Variants in CYP19A1 observed in about 807,000 individuals in gnomAD.
CYP19A1 encodes the protein aromatase.
CYP19A1 carries 32 observed loss-of-function variants against 44.4 expected under a neutral mutation model. That is an observed-to-expected ratio of 0.72 (90% CI 0.54 to 0.97). The LOEUF (loss-of-function observed/expected upper bound fraction) is 0.97. CYP19A1 is among the 50% of genes least tolerant of loss of function. The probability of loss-of-function intolerance (pLI) is 0.00; values close to 1 mark genes in which losing one functional copy is unlikely to be tolerated. For missense variants in CYP19A1, 598 were observed against 637.8 expected (o/e 0.94, Z 0.67); for synonymous variants, 212 against 215.6 (o/e 0.98, Z 0.14).
In CYP19A1 at chr15:51,210,557, G is replaced by A. The variant is rs2141028397; in HGVS notation, c.*251C>T. 2 of 638,418 alleles carry A rather than the reference G, an allele frequency of 3.1e-6. No homozygotes were observed. Among genetic ancestry groups the A allele is most frequent in the Non-Finnish European group, 5.8e-6 (2 of 342,464 alleles). 39.5% of individuals were successfully genotyped at this position (638,418 alleles called of 1,614,324 possible). A position where few individuals can be genotyped will look rare whatever the true frequency, so the allele number is the denominator to read the frequency against. ...GTGGAATCGGGTCTTTATGGATACG[G>A]TTTCTTCACCGACTATTTCTCCCTC... On this transcript the variant is annotated 3_prime_UTR_variant, in exon 10 of 10. Coordinates refer to ENST00000396402, the MANE Select transcript of CYP19A1 (RefSeq NM_000103.4).
rs2031608928 is a variant in CYP19A1 at position 51,216,638 on chromosome 15, A to G, written c.744-821T>C. Among the ~76,000 whole-genome samples the G allele has an allele frequency of 2.6e-5, 4 of 152,226 alleles. No homozygotes were observed. The South Asian group carries it at 8.3e-4, about 32-fold the overall frequency. ...AAACAGTAAACTCCAGTGACTAGGT[A>G]TCATTCTTGATATTTATTCTCATGC... On this transcript the variant is annotated intron_variant, in intron 6 of 9. Coordinates refer to ENST00000396402, the MANE Select transcript of CYP19A1 (RefSeq NM_000103.4).
chr15:51,233,132 G>T (rs960772156), intron 3 of CYP19A1, among the ~76,000 whole-genome samples: 1 of 152,138 alleles, frequency 6.6e-6, no homozygotes, highest in South Asian at 2.1e-4. Flanking sequence ...CTCAGTGAGG[G>T]CTGCCTGAAC....
intron 1 of CYP19A1, among the ~76,000 whole-genome samples, chr15:51,297,988 G>C (rs2036035665): frequency 1.3e-5 from 2 of 152,110 alleles, no homozygotes; most frequent in Admixed American, 6.5e-5. Context: ...ATGTAGGAAG[G>C]CTTCACAGAG....
At chr15:51,234,545 T>C (rs1195014920) in intron 3 of CYP19A1, among the ~76,000 whole-genome samples, 3 of 152,184 alleles carry the variant, frequency 2.0e-5, no homozygotes, top group Non-Finnish European at 2.9e-5. Context: ...TCGAAATATC[T>C]AGTATCTCAG....
At chr15:51,211,590 GT>G (rs1227755083) in intron 9 of CYP19A1, 4 of 389,366 alleles carry the variant, frequency 1.0e-5, no homozygotes, top group Non-Finnish European at 2.0e-5. Context: ...TTGTTGATCA[GT>G]TGACTGATTT....
At chr15:51,302,413 T>C (rs559434369) in intron 1 of CYP19A1, among the ~76,000 whole-genome samples, 2 of 152,216 alleles carry the variant, frequency 1.3e-5, no homozygotes, top group East Asian at 3.9e-4. Flanking sequence ...GGGCTGAGAG[T>C]TGGTTTAACT....
At position 51,218,647 on chromosome 15, in the gene CYP19A1, T is replaced by C. The variant is rs1045354487; in HGVS notation, c.637A>G (p.Ile213Val). ...FLRIPLDESAIVVKIQGYFDA... is the reference protein window; with the variant it reads ...FLRIPLDESAVVVKIQGYFDA... ...AAATAACCTTGGATTTTAACCACGATAGCACTTTCTGTAGGAAAAAAAAAC... is the reference window on the plus strand; with the variant it reads ...AAATAACCTTGGATTTTAACCACGACAGCACTTTCTGTAGGAAAAAAAAAC... Residue 213 changes from isoleucine (I) to valine (V), a missense_variant, in exon 6 of 10, where the codon ATC becomes GTC. Transcript: ENST00000396402. The C allele has an allele frequency of 5.6e-6, 9 of 1,612,400 alleles. No individual in the cohort carries two copies. Among genetic ancestry groups the C allele is most frequent in the Middle Eastern group, 1.6e-4 (1 of 6,082 alleles).
At chr15:51,304,454 G>A (rs1736618486) in intron 1 of CYP19A1, among the ~76,000 whole-genome samples, 1 of 152,154 alleles carries the variant, frequency 6.6e-6, no homozygotes, top group Admixed American at 6.5e-5. Flanking sequence ...AGCCAGCAAT[G>A]CTTTCCAGAG....
chr15:51,244,619 C>G (rs541483224), intron 1 of CYP19A1, among the ~76,000 whole-genome samples: 2 of 152,282 alleles, frequency 1.3e-5, no homozygotes, highest in South Asian at 4.2e-4. Context: ...TTCTATGTGA[C>G]TTTCTGACAG....
At chr15:51,267,031 G>A (rs2034944930) in intron 1 of CYP19A1, among the ~76,000 whole-genome samples, 1 of 152,282 alleles carries the variant, frequency 6.6e-6, no homozygotes, top group Non-Finnish European at 1.5e-5. Context: ...AATCTGAGGT[G>A]GGCAGGAACT....
chr15:51,265,026 T>G (rs767034171), intron 1 of CYP19A1, among the ~76,000 whole-genome samples: 9 of 152,214 alleles, frequency 5.9e-5, no homozygotes, highest in Non-Finnish European at 1.0e-4. Context: ...TTTGAGCCAA[T>G]TACACTTTCT....
Position 51,210,908 on chromosome 15 carries a change from A to G in CYP19A1, c.1412T>C (p.Ile471Thr). Reference protein sequence around the residue: ...KTLQGQCVESIQKIHDLSLHP... With the variant: ...KTLQGQCVESTQKIHDLSLHP... ...CAAGGACAAGTCGTGTATCTTCTGT[A>G]TGCTCTCAACACACTGTCCTTGCAA... Residue 471 changes from isoleucine to threonine, a missense_variant, in exon 10 of 10, where the codon ATA becomes ACA. Coordinates refer to ENST00000396402, the MANE Select transcript of CYP19A1 (RefSeq NM_000103.4). The G allele has an allele frequency of 1.2e-6, 2 of 1,602,574 alleles. No homozygotes were observed. The highest frequency in any genetic ancestry group is 8.6e-7 in the Non-Finnish European group (1 of 1,169,522).
chr15:51,270,441 C>A (rs2035081475), intron 1 of CYP19A1, among the ~76,000 whole-genome samples: 1 of 152,118 alleles, frequency 6.6e-6, no homozygotes, highest in Admixed American at 6.5e-5. Flanking sequence ...CAATCAGTAT[C>A]CCTATCCCTA....
intron 1 of CYP19A1, among the ~76,000 whole-genome samples, chr15:51,306,763 T>G (rs1342770729): frequency 2.0e-5 from 3 of 152,276 alleles, no homozygotes; most frequent in Admixed American, 6.5e-5. Flanking sequence ...TACAGGATAA[T>G]TGTACATGGC....
chr15:51,211,852 C>G (rs1424203325), intron 9 of CYP19A1, among the ~76,000 whole-genome samples: 2 of 152,206 alleles, frequency 1.3e-5, no homozygotes, highest in East Asian at 3.9e-4. Flanking sequence ...ATGGGACCTA[C>G]TGCTCATGGG....
rs2030604394 is a variant in CYP19A1, at chr15:51,208,517, G to C, written c.*2291C>G. On this transcript the variant is annotated 3_prime_UTR_variant, in exon 10 of 10. Transcript: ENST00000396402. The stretch of plus-strand genomic sequence containing the variant: ...AGTGACGGTTAAGCACTTAACAATG[G>C]GGCAAAATTCTGAAGATAATAGAAT... 6.7e-6 allele frequency: 1 copy of C among 148,610 alleles called. No individual in the cohort carries two copies. Among genetic ancestry groups the C allele is most frequent in the South Asian group, 2.1e-4 (1 of 4,666 alleles). 9.2% of individuals were successfully genotyped at this position (148,610 alleles called of 1,614,324 possible).
At chr15:51,235,657 C>T (rs1364672782) in intron 3 of CYP19A1, among the ~76,000 whole-genome samples, 3 of 152,170 alleles carry the variant, frequency 2.0e-5, no homozygotes, top group African/African-American at 7.2e-5. Context: ...TCCCCTGCTC[C>T]CTTCTTTCAA....
intron 1 of CYP19A1, among the ~76,000 whole-genome samples, chr15:51,325,621 C>T (rs1402502944): frequency 3.9e-5 from 6 of 152,214 alleles, no homozygotes; most frequent in South Asian, 2.1e-4. Flanking sequence ...GGGCGGATCA[C>T]GAGGTCAGTA....
chr15:51,323,483 G>C (rs2036559955), intron 1 of CYP19A1, among the ~76,000 whole-genome samples: 1 of 151,532 alleles, frequency 6.6e-6, no homozygotes, highest in South Asian at 2.1e-4. Context: ...TTTGGATTTG[G>C]ATGTGTCTCT....
Sources: gnomAD v4.1 joint callset for allele counts (sites outside exome capture counted in the v4.1 genomes callset) on GRCh38, gnomAD v4.1.1 for gene constraint, MANE v1.5 for transcripts, NCBI Gene and HGNC (gene_info 2026-07-23, HGNC 2026-07-21) for gene names.